STARD9: variants seen among roughly 807,000 people sequenced by gnomAD.
The protein encoded by STARD9 is stAR-related lipid transfer protein 9.
A neutral mutation model predicts 399.8 loss-of-function variants in STARD9; 346 were observed. The ratio of observed to expected loss-of-function variants is 0.87; its 90% CI spans 0.79 to 0.95. STARD9 has a LOEUF of 0.95. STARD9 is among the 40% of genes least tolerant of loss of function. The pLI is 0.00. For missense variants in STARD9, 5,832 were observed against 5,667.5 expected (o/e 1.03, Z -0.93); for synonymous variants, 2,203 against 2,143.5 (o/e 1.03, Z -0.77).
Position 42,575,655 on chromosome 15 carries a change from G to A in STARD9, c.-61G>A, listed in dbSNP as rs1287726770. ...TGGGTTGGGGCTGTGTCTGGGCTTAGGGCGGGGGCCTGGGATGCTGCCGCT... is the reference window on the plus strand; with the variant it reads ...TGGGTTGGGGCTGTGTCTGGGCTTAAGGCGGGGGCCTGGGATGCTGCCGCT... On this transcript the variant is annotated 5_prime_UTR_variant, in exon 1 of 33. Transcript: ENST00000290607. The A allele has an allele frequency of 9.2e-6, 14 of 1,522,492 alleles. No homozygotes were observed. Among genetic ancestry groups the A allele is most frequent in the Admixed American group, 3.9e-5 (2 of 50,926 alleles). 94.3% of individuals were successfully genotyped at this position (1,522,492 alleles called of 1,614,324 possible). A position where few individuals can be genotyped will look rare whatever the true frequency, so the allele number is the denominator to read the frequency against.
rs1286290897 is a variant in STARD9, at chr15:42,693,042, C to G, written c.11464C>G (p.Gln3822Glu). Residue 3822 changes from glutamine (Q) to glutamate (E), a missense_variant, in exon 23 of 33, where the codon CAG becomes GAG. Gln to Glu is a conservative substitution (Grantham distance 29). Transcript: ENST00000290607. ...AATACCCTCATCCCACTTGAGGTTT[C>G]AGAAAGCCCCCGTTGGGCAGCATCT... is the stretch of plus-strand genomic sequence containing the variant. Reference protein sequence around the residue: ...PSIPSSHLRFQKAPVGQHLPS... With the variant: ...PSIPSSHLRFEKAPVGQHLPS... 1.2e-5 allele frequency: 18 copies of G among 1,537,042 alleles called. No individual in the cohort carries two copies. Among genetic ancestry groups the G allele is most frequent in the Non-Finnish European group, 1.6e-5 (18 of 1,146,894 alleles).
At chr15:42,648,907 A>G (rs995218878) in intron 7 of STARD9, among the ~76,000 whole-genome samples, 1 of 151,886 alleles carries the variant, frequency 6.6e-6, no homozygotes, top group African/African-American at 2.4e-5. Context: ...TTAATTAATT[A>G]ATTTATTTAT....
At chr15:42,610,888 G>A (rs1280112664) in intron 3 of STARD9, among the ~76,000 whole-genome samples, 5 of 152,290 alleles carry the variant, frequency 3.3e-5, no homozygotes, top group Non-Finnish European at 7.4e-5. Flanking sequence ...TCACTGTTGA[G>A]TTTGTTGAAT....
chr15:42,607,649 T>TACACAC (rs1486459511), intron 3 of STARD9, among the ~76,000 whole-genome samples: 1 of 81,406 alleles, frequency 1.2e-5, no homozygotes, highest in Non-Finnish European at 2.4e-5. Context: ...CACACACACT[T>TACACAC]ATACACACAC....
At chr15:42,590,757 C>A (rs996009614) in intron 3 of STARD9, among the ~76,000 whole-genome samples, 1 of 151,662 alleles carries the variant, frequency 6.6e-6, no homozygotes, top group African/African-American at 2.4e-5. Flanking sequence ...CTTGTCACAG[C>A]GAGAGAGAGA....
chr15:42,692,315 C>G lies in STARD9; in HGVS notation c.10737C>G (p.Ala3579=). The change falls in exon 23 of 33, where the codon GCC becomes GCG. Residue 3579 remains alanine, a synonymous_variant. Coordinates refer to ENST00000290607, the MANE Select transcript of STARD9 (RefSeq NM_020759.3). ...PHIPTSPEGV[A]PTSGHDRRPQ... ...TCCCGACGAGCCCTGAAGGAGTAGCCCCCACTTCGGGTCATGACAGAAGGC... is the reference window on the plus strand; with the variant it reads ...TCCCGACGAGCCCTGAAGGAGTAGCGCCCACTTCGGGTCATGACAGAAGGC... The G allele has an allele frequency of 2.0e-6, 3 of 1,537,020 alleles. No homozygotes were observed. Among genetic ancestry groups the G allele is most frequent in the Non-Finnish European group, 2.6e-6 (3 of 1,146,898 alleles).
chr15:42,633,678 C>T (rs1320150914), intron 3 of STARD9, among the ~76,000 whole-genome samples: 5 of 148,154 alleles, frequency 3.4e-5, no homozygotes, highest in African/African-American at 1.2e-4. Flanking sequence ...GAGTCTCACT[C>T]TGTCGCCTAG....
At chr15:42,618,787 G>A (rs1221940149) in intron 3 of STARD9, among the ~76,000 whole-genome samples, 1 of 149,310 alleles carries the variant, frequency 6.7e-6, no homozygotes, top group Non-Finnish European at 1.5e-5. Flanking sequence ...ATTAGAGATG[G>A]GGTTTCACCA....
At chr15:42,630,941 TCTG>T (rs2059320929) in intron 3 of STARD9, among the ~76,000 whole-genome samples, 1 of 152,004 alleles carries the variant, frequency 6.6e-6, no homozygotes, top group African/African-American at 2.4e-5. Context: ...GTTTTTTTCT[TCTG>T]CTCATTTTGT....
chr15:42,606,884 C>T (rs1177741918), intron 3 of STARD9, among the ~76,000 whole-genome samples: 1 of 152,122 alleles, frequency 6.6e-6, no homozygotes, highest in African/African-American at 2.4e-5. Context: ...AAATAGCTCA[C>T]CCATTATAGC....
intron 9 of STARD9, among the ~76,000 whole-genome samples, chr15:42,659,163 G>T (rs536315916): frequency 6.6e-6 from 1 of 152,152 alleles, no homozygotes; most frequent in South Asian, 2.1e-4. Context: ...CAACAGATAG[G>T]TAGAACTTTT....
intron 3 of STARD9, among the ~76,000 whole-genome samples, chr15:42,592,789 T>G (rs566293919): frequency 6.6e-6 from 1 of 152,324 alleles, no homozygotes; most frequent in Admixed American, 6.5e-5. Flanking sequence ...AAATGCTGTT[T>G]TCAGTATTTG....
intron 3 of STARD9, among the ~76,000 whole-genome samples, chr15:42,631,141 G>A (rs538226115): frequency 1.3e-5 from 2 of 151,820 alleles, no homozygotes; most frequent in East Asian, 1.9e-4. Flanking sequence ...CACCATGCCT[G>A]GCCACTTTTC....
At position 42,685,762 on chromosome 15, in the gene STARD9, G is replaced by C; in HGVS notation, c.4184G>C (p.Ser1395Thr). 6.5e-7 allele frequency: 1 copy of C among 1,537,398 alleles called. No homozygotes were observed. Among genetic ancestry groups the C allele is most frequent in the Non-Finnish European group, 8.7e-7 (1 of 1,146,950 alleles). Residue 1395 changes from serine to threonine, a missense_variant, in exon 23 of 33, where the codon AGC (serine) becomes ACC (threonine). Transcript: ENST00000290607. ...GATGCAGAAACGGTTCTGCCATATAGCTCCAAACTGCACCAAGGCAGTACT... is the reference window on the plus strand; with the variant it reads ...GATGCAGAAACGGTTCTGCCATATACCTCCAAACTGCACCAAGGCAGTACT... ...PSDAETVLPY[S>T]SKLHQGSTEL...
At position 42,689,853 on chromosome 15, in the gene STARD9, G is replaced by A; in HGVS notation, c.8275G>A (p.Glu2759Lys). 6.5e-7 allele frequency: 1 copy of A among 1,537,354 alleles called. No individual in the cohort carries two copies. The highest frequency in any genetic ancestry group is 1.7e-4 in the Middle Eastern group (1 of 5,990). The change falls in exon 23 of 33, where the codon GAG becomes AAG. Residue 2759 changes from glutamate to lysine, a missense_variant. By Grantham distance (56) the Glu-to-Lys change is moderately conservative. This residue lies in a region of STARD9 where 5,828 missense variants were observed against 5,651.1 expected (regional missense o/e 1.03). Coordinates refer to ENST00000290607, the MANE Select transcript of STARD9 (RefSeq NM_020759.3). Reference protein sequence around the residue: ...PYDDPRVTLHELSQSVPQETA... With the variant: ...PYDDPRVTLHKLSQSVPQETA... Reference sequence around the variant, plus strand: ...TGATGATCCTAGAGTGACTCTGCATGAGCTAAGTCAGTCAGTTCCGCAGGA... The same window carrying A: ...TGATGATCCTAGAGTGACTCTGCATAAGCTAAGTCAGTCAGTTCCGCAGGA...
chr15:42,681,734 G>GTGTTCTC, intron 21 of STARD9, 122 bp downstream of exon 21: 1 of 924,722 alleles, frequency 1.1e-6, no homozygotes, highest in Non-Finnish European at 1.6e-6. Flanking sequence ...TTGGTATTAG[G>GTGTTCTC]TGTTCTCTTT....
chr15:42,690,252 A>G lies in STARD9; in HGVS notation c.8674A>G (p.Ser2892Gly). 6.5e-7 allele frequency: 1 copy of G among 1,537,494 alleles called. No individual in the cohort carries two copies. The highest frequency in any genetic ancestry group is 8.7e-7 in the Non-Finnish European group (1 of 1,146,962). The change falls in exon 23 of 33, where the codon AGC becomes GGC. Residue 2892 changes from serine to glycine, a missense_variant. This residue lies in a region of STARD9 where 5,828 missense variants were observed against 5,651.1 expected (regional missense o/e 1.03). Transcript: ENST00000290607. ...SGLTEVCRAG[S>G]KHSRPIPLPD... is the part of the protein sequence containing the mutation. The stretch of plus-strand genomic sequence containing the variant: ...GTTGACAGAAGTCTGCAGGGCTGGC[A>G]GCAAACATTCCAGGCCAATTCCACT...
intron 20 of STARD9, among the ~76,000 whole-genome samples, chr15:42,680,511 A>G (rs1474500749): frequency 6.6e-6 from 1 of 152,142 alleles, no homozygotes; most frequent in African/African-American, 2.4e-5. Flanking sequence ...GAGGCAGGAG[A>G]ATCGCTTGAA....
rs1041184429 is a variant in STARD9 at position 42,690,879 on chromosome 15, G to A, written c.9301G>A (p.Ala3101Thr). The A allele has an allele frequency of 3.9e-5, 60 of 1,537,160 alleles. No individual in the cohort carries two copies. Among genetic ancestry groups the A allele is most frequent in the Admixed American group, 7.8e-5 (4 of 50,994 alleles). The stretch of plus-strand genomic sequence containing the variant: ...GCAAGCAAGCACAGAACTTGAGGCT[G>A]CCTCTTTCCCTGCAGGCATGTACTC... ...EKQASTELEAASFPAGMYSEP... is the reference protein window; with the variant it reads ...EKQASTELEATSFPAGMYSEP... The change falls in exon 23 of 33, where the codon GCC becomes ACC. Residue 3101 changes from alanine (A) to threonine (T), a missense_variant. Transcript: ENST00000290607.
Sources: gnomAD v4.1 joint callset for allele counts (sites outside exome capture counted in the v4.1 genomes callset) on GRCh38, gnomAD v4.1.1 for gene constraint, gnomAD v4.1.1 regional missense constraint, MANE v1.5 for transcripts, NCBI Gene and HGNC (gene_info 2026-07-23, HGNC 2026-07-21) for gene names.